Variants in PCDHGA5 observed in about 807,000 individuals in gnomAD.
PCDHGA5 encodes protocadherin gamma-A5.
Under a neutral mutation model 56.7 loss-of-function variants are expected in PCDHGA5, and 36 were observed. The ratio of observed to expected loss-of-function variants is 0.64; its 90% confidence interval spans 0.49 to 0.84. The LOEUF (loss-of-function observed/expected upper bound fraction) is 0.84. Ranked by LOEUF, PCDHGA5 falls within the 40% of genes least tolerant of loss-of-function variation. The probability of loss-of-function intolerance (pLI) is 0.00; values close to 1 mark genes in which losing one functional copy is unlikely to be tolerated. For synonymous variants in PCDHGA5, 563 were observed against 520.2 expected (o/e 1.08, Z -1.12); for missense variants, 1,305 against 1,201.5 (o/e 1.09, Z -1.27).
chr5:141,420,956 T>C lies in PCDHGA5; in HGVS notation c.2421+54205T>C, dbSNP rs17097281. 2.2e-3 allele frequency: 904 copies of C among 416,864 alleles called. 5 individuals carry two copies. The highest frequency in any genetic ancestry group is 0.016 in the African/African-American group (760 of 48,560). 25.8% of individuals were successfully genotyped at this position (416,864 alleles called of 1,614,324 possible). A position where few individuals can be genotyped will look rare whatever the true frequency, so the allele number is the denominator to read the frequency against. Reference sequence around the variant, plus strand: ...AATCATTTCTTCTGGAATTTCTTAGTCGTTGCAATAATAAGAATGGGCTCT... The same window carrying C: ...AATCATTTCTTCTGGAATTTCTTAGCCGTTGCAATAATAAGAATGGGCTCT... On this transcript the variant is annotated intron_variant, in intron 1 of 3. Coordinates refer to ENST00000518069, the MANE Select transcript of PCDHGA5 (RefSeq NM_018918.3).
At position 141,371,400 on chromosome 5, in the gene PCDHGA5, G is replaced by C. The variant is rs201084970; in HGVS notation, c.2421+4649G>C. 5.8e-5 allele frequency: 93 copies of C among 1,613,894 alleles called. No individual in the cohort carries two copies. Among genetic ancestry groups the C allele is most frequent in the African/African-American group, 2.7e-5 (2 of 74,938 alleles). Reference sequence around the variant, plus strand: ...CACTGCATATTGTAAAGTACAGATAGATATTTCAGATGAAAATGACAATGC... The same window carrying C: ...CACTGCATATTGTAAAGTACAGATACATATTTCAGATGAAAATGACAATGC... On this transcript the variant is annotated intron_variant, in intron 1 of 3. Transcript: ENST00000518069.
intron 1 of PCDHGA5, chr5:141,484,865 G>A (rs1431313212): frequency 3.6e-6 from 1 of 278,548 alleles, no homozygotes; most frequent in Non-Finnish European, 6.7e-6. Flanking sequence ...GGGTGGGGGA[G>A]CGTGGAGGAT....
At chr5:141,370,138 G>C in intron 1 of PCDHGA5, 1 of 413,176 alleles carries the variant, frequency 2.4e-6, no homozygotes, top group Non-Finnish European at 4.3e-6. Flanking sequence ...AGCTGATTTA[G>C]TCACCATTAC....
At chr5:141,398,414 G>C (rs373274513) in intron 1 of PCDHGA5, 1 of 1,487,954 alleles carries the variant, frequency 6.7e-7, no homozygotes, top group Non-Finnish European at 9.3e-7. Flanking sequence ...GAGGAGATAT[G>C]CGGGAAGAAG....
intron 1 of PCDHGA5, chr5:141,430,711 C>T (rs2097304226): frequency 1.3e-6 from 2 of 1,483,856 alleles, no homozygotes; most frequent in African/African-American, 2.8e-5. Context: ...CTGCTCCTGA[C>T]TTCAGTGGTT....
rs1408248560 is a variant in PCDHGA5 at position 141,475,829 on chromosome 5, G to C, written c.2422-18978G>C. On this transcript the variant is annotated intron_variant, in intron 1 of 3. Coordinates refer to ENST00000518069, the MANE Select transcript of PCDHGA5 (RefSeq NM_018918.3). ...AAAGTGAAGTTCCTGGCGCTAGCGC[G>C]TGTCCTGCTCAGAGAGCCCGGCGCT... The C allele has an allele frequency of 1.0e-5, 4 of 386,748 alleles. No individual in the cohort carries two copies. In the South Asian group the frequency reaches 1.4e-4, roughly 14 times the overall value. The allele number at this position is 386,748 out of a possible 1,614,324, so 24.0% of individuals were successfully genotyped here. A position where few individuals can be genotyped will look rare whatever the true frequency, so the allele number is the denominator to read the frequency against.
chr5:141,388,016 C>T lies in PCDHGA5; in HGVS notation c.2421+21265C>T, dbSNP rs1026420398. Reference sequence around the variant, plus strand: ...GGATTCCCGAGGAAATGCCCAAGGGCTCCGTAGTGGGGAACCTCGCCACGG... The same window carrying T: ...GGATTCCCGAGGAAATGCCCAAGGGTTCCGTAGTGGGGAACCTCGCCACGG... On this transcript the variant is annotated intron_variant, in intron 1 of 3. Coordinates refer to ENST00000518069, the MANE Select transcript of PCDHGA5 (RefSeq NM_018918.3). 4.1e-6 allele frequency: 6 copies of T among 1,465,422 alleles called. No individual in the cohort carries two copies. In the African/African-American group the frequency reaches 7.1e-5, roughly 17 times the overall value. The allele number at this position is 1,465,422 out of a possible 1,614,324, so 90.8% of individuals were successfully genotyped here.
chr5:141,476,672 A>T lies in PCDHGA5; in HGVS notation c.2422-18135A>T. 6.2e-7 allele frequency: 1 copy of T among 1,614,206 alleles called. No individual in the cohort carries two copies. Among genetic ancestry groups the T allele is most frequent in the African/African-American group, 1.3e-5 (1 of 75,058 alleles). ...TGAATACTTTGCGCTTCGCGTGCAG[A>T]CGCGGGAGGACAGCACCAAGTACGC... On this transcript the variant is annotated intron_variant, in intron 1 of 3. Transcript: ENST00000518069. The surrounding 1 kb of genome is among the most constrained non-coding windows in gnomAD (Gnocchi z 7.6).
intron 1 of PCDHGA5, chr5:141,393,422 G>A: frequency 6.2e-7 from 1 of 1,614,042 alleles, no homozygotes; most frequent in Non-Finnish European, 8.5e-7. Context: ...TGGACAGGGA[G>A]GAAGAGGCTG....
At chr5:141,391,562 C>T (rs927673920) in intron 1 of PCDHGA5, 2 of 152,064 alleles carry the variant, frequency 1.3e-5, no homozygotes, top group Non-Finnish European at 1.5e-5. Flanking sequence ...TTTCCATATG[C>T]ATAAGAAAAT....
intron 1 of PCDHGA5, chr5:141,411,535 G>C (rs945278706): frequency 6.6e-6 from 1 of 152,274 alleles, no homozygotes; most frequent in Non-Finnish European, 1.5e-5. Context: ...AGTGAGCCCT[G>C]ATCTTGCCAC....
chr5:141,413,555 T>C (rs1270604020), intron 1 of PCDHGA5: 1 of 1,613,852 alleles, frequency 6.2e-7, no homozygotes. Flanking sequence ...GAAATAGAAG[T>C]AACTGATATC....
intron 1 of PCDHGA5, among the ~76,000 whole-genome samples, chr5:141,470,717 A>G (rs1353989037): frequency 6.6e-6 from 1 of 152,010 alleles, no homozygotes; most frequent in Non-Finnish European, 1.5e-5. Flanking sequence ...TATTTTTTTG[A>G]GTCAGGGTCT....
chr5:141,399,370 A>C (rs1466560972), intron 1 of PCDHGA5: 2 of 1,614,004 alleles, frequency 1.2e-6, no homozygotes, highest in Non-Finnish European at 1.7e-6. Context: ...CCCGGAGTAC[A>C]ATGTCACCAT....
intron 1 of PCDHGA5, chr5:141,376,398 A>C (rs1266114748): frequency 6.2e-7 from 1 of 1,614,080 alleles, no homozygotes; most frequent in Admixed American, 1.7e-5. Context: ...ATTTTCCCCC[A>C]GCCCAACTAT....
intron 1 of PCDHGA5, chr5:141,440,921 G>C (rs1213425379): frequency 6.6e-6 from 1 of 152,260 alleles, no homozygotes; most frequent in Non-Finnish European, 1.5e-5. Context: ...TGTGCTGAGA[G>C]TGAGGGCCAC....
intron 1 of PCDHGA5, chr5:141,398,585 T>C (rs200356405): frequency 1.9e-6 from 3 of 1,614,080 alleles, no homozygotes; most frequent in Non-Finnish European, 2.5e-6. Flanking sequence ...ACAAGATTTA[T>C]ACTAGAAGTA....
chr5:141,376,447 C>T (rs777597745), intron 1 of PCDHGA5: 83 of 1,614,064 alleles, frequency 5.1e-5, no homozygotes, highest in Admixed American at 1.3e-4. Context: ...ATGAGAAAAG[C>T]GAGCCTCTTC....
At chr5:141,449,156 G>T (rs4432943) in intron 1 of PCDHGA5, among the ~76,000 whole-genome samples, 84,481 of 151,978 alleles carry the variant, frequency 0.56, 26,202 homozygotes, top group African/African-American at 0.85. Context: ...GGTCAAAGAG[G>T]AAATAGGTGT....
Sources: allele counts gnomAD v4.1 joint callset (sites outside exome capture counted in the v4.1 genomes callset), GRCh38; gene constraint gnomAD v4.1.1; non-coding constraint Gnocchi (gnomAD v3.1); transcripts MANE v1.5; gene names NCBI Gene and HGNC (gene_info 2026-07-23, HGNC 2026-07-21).